Variants in KCNH1 observed in about 807,000 individuals in gnomAD.
KCNH1 encodes the protein voltage-gated delayed rectifier potassium channel KCNH1.
Under a neutral mutation model 69.2 loss-of-function variants are expected in KCNH1, and 27 were observed. That is an observed-to-expected ratio of 0.39 (90% confidence interval 0.29 to 0.54). KCNH1 has a LOEUF of 0.54. Among genes scored for constraint, KCNH1 ranks in the 20% least tolerant of loss-of-function variants. KCNH1 has a pLI of 0.68. For synonymous variants in KCNH1, 456 were observed against 487.7 expected, an observed-to-expected ratio of 0.93 and a Z score of 0.86; for missense variants, 798 against 1,261.6, an observed-to-expected ratio of 0.63 and a Z score of 5.57.
intron 10 of KCNH1, among the ~76,000 whole-genome samples, chr1:210,745,024 G>GA (rs1459031383): frequency 6.6e-6 from 1 of 152,146 alleles, no homozygotes; most frequent in Non-Finnish European, 1.5e-5. Context: ...CCAACATGGC[G>GA]AAACCCCATC....
chr1:211,037,362 T>C (rs1302065354), intron 5 of KCNH1, among the ~76,000 whole-genome samples: 2 of 152,128 alleles, frequency 1.3e-5, no homozygotes, highest in African/African-American at 2.4e-5. Flanking sequence ...TCTCATGCAA[T>C]GGGAAGGCTG....
intron 5 of KCNH1, among the ~76,000 whole-genome samples, chr1:211,061,013 C>T (rs1490388264): frequency 6.6e-6 from 1 of 152,008 alleles, no homozygotes; most frequent in Non-Finnish European, 1.5e-5. Context: ...CAAAAAAAGA[C>T]AACTACAGGC....
At chr1:210,938,637 A>T (rs1368580242) in intron 6 of KCNH1, among the ~76,000 whole-genome samples, 1 of 152,156 alleles carries the variant, frequency 6.6e-6, no homozygotes, top group Non-Finnish European at 1.5e-5. Context: ...TTGTGGTTCC[A>T]CAATCACACT....
chr1:210,967,819 T>C (rs989645869), intron 6 of KCNH1, among the ~76,000 whole-genome samples: 2 of 152,202 alleles, frequency 1.3e-5, no homozygotes, highest in Admixed American at 6.6e-5. Flanking sequence ...GAACAAAATA[T>C]TGACTTGAAG....
At chr1:210,871,023 G>A (rs982394840) in intron 7 of KCNH1, among the ~76,000 whole-genome samples, 6 of 151,980 alleles carry the variant, frequency 3.9e-5, no homozygotes, top group African/African-American at 1.4e-4. Flanking sequence ...ATCTCATGGA[G>A]TGGCAACAAA....
At chr1:210,984,183 T>C (rs1363861510) in intron 6 of KCNH1, among the ~76,000 whole-genome samples, 1 of 152,186 alleles carries the variant, frequency 6.6e-6, no homozygotes, top group Non-Finnish European at 1.5e-5. Context: ...GGGAAGACAA[T>C]GGGGTTTTCT....
rs6695483 is a variant in KCNH1 at position 210,851,723 on chromosome 1, G to A, written c.1463-47557C>T. Among the ~76,000 whole-genome samples the A allele has an allele frequency of 9.0e-3, 1,369 of 152,258 alleles. 25 individuals are homozygous for A. Among genetic ancestry groups the A allele is most frequent in the African/African-American group, 0.032 (1,311 of 41,522 alleles). ...TTGCTCCTAGGCTACAAACCTGTACGCCTTGTTACTGTACTAAATGCTGTA... is the reference window on the plus strand; with the variant it reads ...TTGCTCCTAGGCTACAAACCTGTACACCTTGTTACTGTACTAAATGCTGTA... On this transcript the variant is annotated intron_variant, in intron 7 of 10. Transcript: ENST00000271751.
intron 5 of KCNH1, among the ~76,000 whole-genome samples, chr1:211,033,344 A>G (rs1249159176): frequency 6.6e-6 from 1 of 152,198 alleles, no homozygotes; most frequent in African/African-American, 2.4e-5. Flanking sequence ...ACCATTGTGG[A>G]AGTCAGTGTG....
At chr1:211,008,220 T>G (rs1689321324) in intron 6 of KCNH1, among the ~76,000 whole-genome samples, 2 of 152,202 alleles carry the variant, frequency 1.3e-5, no homozygotes, top group South Asian at 4.1e-4. Context: ...TCATTCATCC[T>G]TAAAAAGGAA....
chr1:211,035,881 T>G (rs1689887892), intron 5 of KCNH1, among the ~76,000 whole-genome samples: 1 of 152,202 alleles, frequency 6.6e-6, no homozygotes, highest in Non-Finnish European at 1.5e-5. Flanking sequence ...CTCAGAAAGA[T>G]TTCCCTGAGA....
At chr1:211,022,475 G>C (rs538585752) in intron 5 of KCNH1, among the ~76,000 whole-genome samples, 3 of 152,152 alleles carry the variant, frequency 2.0e-5, no homozygotes, top group African/African-American at 4.8e-5. Context: ...TAGCCAAATA[G>C]GATTATATCA....
At chr1:210,834,092 G>A (rs1685227374) in intron 7 of KCNH1, among the ~76,000 whole-genome samples, 1 of 152,106 alleles carries the variant, frequency 6.6e-6, no homozygotes, top group African/African-American at 2.4e-5. Context: ...TGGTGGGACT[G>A]TAAACTAGTT....
At chr1:210,686,173 A>G (rs2149002392) in intron 10 of KCNH1, among the ~76,000 whole-genome samples, 1 of 152,330 alleles carries the variant, frequency 6.6e-6, no homozygotes, top group Non-Finnish European at 1.5e-5. Context: ...GAAGAGGGCC[A>G]GAGAAACCCA....
intron 5 of KCNH1, among the ~76,000 whole-genome samples, chr1:211,082,331 A>G (rs531376494): frequency 6.6e-6 from 1 of 152,348 alleles, no homozygotes; most frequent in South Asian, 2.1e-4. Flanking sequence ...GGATATCTAC[A>G]AAGAAACAAG....
intron 6 of KCNH1, among the ~76,000 whole-genome samples, chr1:210,982,605 C>T (rs913825398): frequency 3.9e-5 from 6 of 151,944 alleles, no homozygotes; most frequent in Non-Finnish European, 2.9e-5. Context: ...GAACTCATCA[C>T]TTTTTATGGC....
chr1:210,900,141 T>G (rs567555842), intron 7 of KCNH1, among the ~76,000 whole-genome samples: 2 of 152,156 alleles, frequency 1.3e-5, no homozygotes, highest in Non-Finnish European at 2.9e-5. Flanking sequence ...AAGAGAGAGA[T>G]AGTGAAAAGG....
chr1:210,909,688 C>T (rs1311265023), intron 7 of KCNH1, among the ~76,000 whole-genome samples: 2 of 152,224 alleles, frequency 1.3e-5, no homozygotes, highest in African/African-American at 4.8e-5. Context: ...TTTCTCCTGA[C>T]CTAATGGCAG....
rs1558524890 is a variant in KCNH1, at chr1:210,917,276, AAAGAAAAGAAAAG to A, written c.1462+2351_1462+2363del. 4.2e-5 allele frequency among the ~76,000 whole-genome samples: 6 copies of A among 142,484 alleles called. No individual in the cohort carries two copies. In the East Asian group the frequency reaches 1.2e-3, roughly 28 times the overall value. The allele number at this position is 142,484 out of a possible 152,430, so 93.5% of individuals were successfully genotyped here. ...GAAAGAAAGAAAGAAAGAAAGAAAG[AAAGAAAAGAAAAG>A]AAAGAGAAACACAGAGAGAGAGAGA... On this transcript the variant is annotated intron_variant, in intron 7 of 10. Transcript: ENST00000271751.
At chr1:211,084,564 GC>G (rs1444093832) in intron 4 of KCNH1, among the ~76,000 whole-genome samples, 1 of 152,212 alleles carries the variant, frequency 6.6e-6, no homozygotes, top group Non-Finnish European at 1.5e-5. Context: ...CTCTGGCCTA[GC>G]CCTGATTCTC....
Sources: allele counts gnomAD v4.1 joint callset (sites outside exome capture counted in the v4.1 genomes callset), GRCh38; gene constraint gnomAD v4.1.1; transcripts MANE v1.5; gene names NCBI Gene and HGNC (gene_info 2026-07-23, HGNC 2026-07-21).